The following ANO3 variants were observed in gnomAD, a reference collection of about 807,000 sequenced individuals.
The protein encoded by ANO3 is anoctamin-3.
A neutral mutation model predicts 144.8 loss-of-function variants in ANO3; 99 were observed. That is an observed-to-expected ratio of 0.68 (90% confidence interval 0.58 to 0.81). The LOEUF (loss-of-function observed/expected upper bound fraction) is 0.81. ANO3 is among the 30% of genes least tolerant of loss of function. The pLI is 0.00. For synonymous variants in ANO3, 414 were observed against 392.6 expected (o/e 1.05, Z -0.64); for missense variants, 905 against 1,202.2 (o/e 0.75, Z 3.66).
chr11:26,622,457 G>T (rs192207441), intron 17 of ANO3, among the ~76,000 whole-genome samples: 1 of 150,314 alleles, frequency 6.7e-6, no homozygotes, highest in East Asian at 1.9e-4. Context: ...AAGAAAATGA[G>T]CCAGGCATCA....
intron 1 of ANO3, among the ~76,000 whole-genome samples, chr11:26,274,636 CA>C (rs1159532556): frequency 6.6e-6 from 1 of 151,996 alleles, no homozygotes; most frequent in Non-Finnish European, 1.5e-5. Context: ...GAACATAAAG[CA>C]ATTAATTCAT....
chr11:26,242,553 A>G (rs1374495531), intron 1 of ANO3, among the ~76,000 whole-genome samples: 1 of 152,160 alleles, frequency 6.6e-6, no homozygotes, highest in Non-Finnish European at 1.5e-5. Flanking sequence ...TGCATTATTT[A>G]TCATTCTGTA....
chr11:26,303,442 G>A lies in ANO3; in HGVS notation c.155-6203G>A, dbSNP rs1010594380. On this transcript the variant is annotated intron_variant, in intron 1 of 27. Transcript: ENST00000672621. ...CATTATCCTGAGCGAACTAATGCAG[G>A]AACAGAAAACCAAGTACTTTGTGTT... Among the ~76,000 whole-genome samples the A allele has an allele frequency of 5.3e-5, 8 of 152,286 alleles. No homozygotes were observed. The South Asian group carries it at 8.3e-4, about 16-fold the overall frequency.
intron 1 of ANO3, among the ~76,000 whole-genome samples, chr11:26,312,860 C>A (rs977093025): frequency 7.2e-5 from 11 of 152,120 alleles, no homozygotes; most frequent in Non-Finnish European, 1.3e-4. Context: ...TCTCATTTGT[C>A]AATTTCGAAA....
intron 4 of ANO3, among the ~76,000 whole-genome samples, chr11:26,493,574 T>A: frequency 6.6e-6 from 1 of 152,236 alleles, no homozygotes; most frequent in Non-Finnish European, 1.5e-5. Context: ...TCCTTCCTTA[T>A]GTTTTTATTT....
chr11:26,366,397 C>T (rs993587736), intron 1 of ANO3, among the ~76,000 whole-genome samples: 1 of 152,068 alleles, frequency 6.6e-6, no homozygotes, highest in Non-Finnish European at 1.5e-5. Flanking sequence ...TCTATTTGGA[C>T]ATTTGGGTTG....
intron 9 of ANO3, 25 bp downstream of exon 9, chr11:26,534,587 G>A: frequency 6.7e-7 from 1 of 1,493,310 alleles, no homozygotes; most frequent in Non-Finnish European, 9.3e-7. Flanking sequence ...TAATAACAGA[G>A]TAGAACTTGC....
intron 1 of ANO3, among the ~76,000 whole-genome samples, chr11:26,356,868 C>T (rs1855798378): frequency 6.6e-6 from 1 of 152,102 alleles, no homozygotes; most frequent in South Asian, 2.1e-4. Context: ...CACTCCAATT[C>T]CTGCTTCTGT....
intron 17 of ANO3, among the ~76,000 whole-genome samples, chr11:26,614,344 A>G (rs1852187936): frequency 6.6e-6 from 1 of 152,118 alleles, no homozygotes; most frequent in Non-Finnish European, 1.5e-5. Context: ...CAAATGCCAC[A>G]TGGGTTTGGA....
intron 3 of ANO3, among the ~76,000 whole-genome samples, chr11:26,445,067 A>G (rs1858655362): frequency 6.6e-6 from 1 of 152,060 alleles, no homozygotes; most frequent in Non-Finnish European, 1.5e-5. Flanking sequence ...AATTTTTTTG[A>G]TTTTAGAATA....
At chr11:26,448,091 G>C (rs1858771123) in intron 3 of ANO3, among the ~76,000 whole-genome samples, 2 of 152,038 alleles carry the variant, frequency 1.3e-5, no homozygotes, top group South Asian at 2.1e-4. Context: ...CCTGAGGTCG[G>C]GAGTTCGAGA....
intron 1 of ANO3, among the ~76,000 whole-genome samples, chr11:26,294,342 A>T (rs1332289648): frequency 1.3e-5 from 2 of 152,252 alleles, no homozygotes; most frequent in East Asian, 3.9e-4. Flanking sequence ...ACTGCTTTCT[A>T]TATTATGATA....
intron 1 of ANO3, among the ~76,000 whole-genome samples, chr11:26,217,679 A>G (rs949320676): frequency 6.6e-6 from 1 of 152,120 alleles, no homozygotes; most frequent in Non-Finnish European, 1.5e-5. Context: ...GGCAAATAGT[A>G]TATGTTCTAA....
chr11:26,589,688 C>G (rs1431200038), intron 14 of ANO3, among the ~76,000 whole-genome samples: 1 of 152,132 alleles, frequency 6.6e-6, no homozygotes, highest in African/African-American at 2.4e-5. Flanking sequence ...GCAGATCACA[C>G]AATATGTGAG....
chr11:26,493,606 T>C (rs1299106305), intron 4 of ANO3, among the ~76,000 whole-genome samples: 1 of 152,232 alleles, frequency 6.6e-6, no homozygotes, highest in Non-Finnish European at 1.5e-5. Context: ...ATGAATTATA[T>C]ATGACTTTTT....
chr11:26,352,610 T>C (rs1156467201), intron 1 of ANO3, among the ~76,000 whole-genome samples: 1 of 152,332 alleles, frequency 6.6e-6, no homozygotes, highest in Middle Eastern at 3.4e-3. Context: ...TCTTTGCCAG[T>C]ACATAAATAT....
At chr11:26,202,303 TTA>T (rs545232755) in intron 1 of ANO3, among the ~76,000 whole-genome samples, 8 of 144,514 alleles carry the variant, frequency 5.5e-5, no homozygotes, top group Non-Finnish European at 9.1e-5. Context: ...TAGATACATA[TTA>T]TATATATCAT....
intron 1 of ANO3, among the ~76,000 whole-genome samples, chr11:26,415,908 G>T (rs1007821497): frequency 2.0e-5 from 3 of 152,076 alleles, no homozygotes; most frequent in Non-Finnish European, 1.5e-5. Flanking sequence ...GCTTTTAAAA[G>T]AAAATTTTGA....
At chr11:26,313,407 C>A (rs184618660) in intron 1 of ANO3, among the ~76,000 whole-genome samples, 76 of 152,248 alleles carry the variant, frequency 5.0e-4, no homozygotes, top group African/African-American at 1.8e-3. Flanking sequence ...AGGTGATAGG[C>A]CAGGCATGGT....
Sources: allele counts gnomAD v4.1 joint callset (sites outside exome capture counted in the v4.1 genomes callset), GRCh38; gene constraint gnomAD v4.1.1; transcripts MANE v1.5; gene names NCBI Gene and HGNC (gene_info 2026-07-23, HGNC 2026-07-21).